The following NELL1 variants were observed in gnomAD, a reference collection of about 807,000 sequenced individuals.
NELL1 encodes the protein neural EGFL like 1.
NELL1 carries 76 observed loss-of-function variants against 107.4 expected under a neutral mutation model. That is an observed-to-expected ratio of 0.71 (90% CI 0.59 to 0.86). The LOEUF (loss-of-function observed/expected upper bound fraction) is 0.86, where lower values mean the gene tolerates loss of function less well. Ranked by LOEUF, NELL1 falls within the 40% of genes least tolerant of loss-of-function variation. The pLI is 0.00. For synonymous variants in NELL1, 353 were observed against 341.2 expected (o/e 1.03, Z -0.38); for missense variants, 1,024 against 1,005.5 (o/e 1.02, Z -0.25).
intron 15 of NELL1, among the ~76,000 whole-genome samples, chr11:21,505,284 G>A (rs942733952): frequency 2.6e-5 from 4 of 152,054 alleles, no homozygotes; most frequent in African/African-American, 7.2e-5. Flanking sequence ...TATAATACAA[G>A]CTACTAATCT....
intron 7 of NELL1, among the ~76,000 whole-genome samples, chr11:20,923,411 CTA>C (rs908210953): frequency 6.6e-6 from 1 of 152,160 alleles, no homozygotes; most frequent in African/African-American, 2.4e-5. Flanking sequence ...TTTGGCAAAA[CTA>C]TACTTTTTTT....
At chr11:21,093,258 A>C (rs1453903897) in intron 12 of NELL1, among the ~76,000 whole-genome samples, 1 of 152,212 alleles carries the variant, frequency 6.6e-6, no homozygotes, top group East Asian at 1.9e-4. Flanking sequence ...ACTGAGATGC[A>C]AGATGACAAA....
chr11:20,770,980 C>T (rs1856628195), intron 2 of NELL1: 1 of 141,356 alleles, frequency 7.1e-6, no homozygotes. Context: ...CCAGAAACAA[C>T]CTGCACAGTT....
At chr11:21,046,106 T>C (rs550362302) in intron 12 of NELL1, among the ~76,000 whole-genome samples, 66 of 152,320 alleles carry the variant, frequency 4.3e-4, no homozygotes, top group African/African-American at 1.5e-3. Flanking sequence ...TTTTAATTCA[T>C]TCTCTAAGGC....
intron 12 of NELL1, among the ~76,000 whole-genome samples, chr11:21,100,822 GTTTC>G (rs200744245): frequency 9.2e-5 from 14 of 151,998 alleles, no homozygotes; most frequent in South Asian, 2.1e-4. Flanking sequence ...AAAGTACAAT[GTTTC>G]TTTCTTTCTT....
intron 15 of NELL1, among the ~76,000 whole-genome samples, chr11:21,407,032 G>C (rs774539071): frequency 6.6e-6 from 1 of 151,938 alleles, no homozygotes; most frequent in East Asian, 1.9e-4. Flanking sequence ...TAGCTTCCAC[G>C]TATGAGTGAG....
intron 15 of NELL1, among the ~76,000 whole-genome samples, chr11:21,491,319 C>T (rs961707521): frequency 3.9e-5 from 6 of 152,000 alleles, no homozygotes; most frequent in Non-Finnish European, 5.9e-5. Context: ...TCTAGGGTTT[C>T]TATGGTTTTA....
At chr11:21,058,225 A>G (rs575742595) in intron 12 of NELL1, among the ~76,000 whole-genome samples, 44 of 152,300 alleles carry the variant, frequency 2.9e-4, no homozygotes, top group African/African-American at 1.0e-3. Flanking sequence ...ATACAGATTC[A>G]TAAGTTCATT....
chr11:20,719,083 A>C (rs1855318112), intron 2 of NELL1, among the ~76,000 whole-genome samples: 1 of 152,240 alleles, frequency 6.6e-6, no homozygotes, highest in Non-Finnish European at 1.5e-5. Flanking sequence ...ATGGCTAAGC[A>C]AGGAAGTGGC....
rs928250998 is a variant in NELL1, at chr11:20,942,247, G to T, written c.1071+4388G>T. On this transcript the variant is annotated intron_variant, in intron 10 of 19. Coordinates refer to ENST00000357134, the MANE Select transcript of NELL1 (RefSeq NM_006157.5). ...CTGTACCCTAAAGGTTAGCTTCCTT[G>T]AACCTCCCTATTTTGATTCCCATTC... 3.9e-5 allele frequency among the ~76,000 whole-genome samples: 6 copies of T among 152,142 alleles called. No individual in the cohort carries two copies. In the East Asian group the frequency reaches 1.2e-3, roughly 29 times the overall value.
intron 2 of NELL1, among the ~76,000 whole-genome samples, chr11:20,734,481 T>C (rs2133926012): frequency 6.6e-6 from 1 of 152,164 alleles, no homozygotes; most frequent in Non-Finnish European, 1.5e-5. Flanking sequence ...AAGGATATGG[T>C]GAGAAGTATT....
intron 2 of NELL1, among the ~76,000 whole-genome samples, chr11:20,704,203 A>G (rs1330304366): frequency 2.0e-5 from 3 of 152,156 alleles, no homozygotes; most frequent in African/African-American, 4.8e-5. Flanking sequence ...TTGGGTGCAT[A>G]TGTATTTAGG....
chr11:21,099,234 AACACACACACACAC>A (rs1554967542), intron 12 of NELL1, among the ~76,000 whole-genome samples: 1 of 64,004 alleles, frequency 1.6e-5, no homozygotes, highest in South Asian at 4.0e-4. Context: ...CACACACACA[AACACACACACACAC>A]ACACGGATCA....
intron 13 of NELL1, among the ~76,000 whole-genome samples, chr11:21,120,052 A>G (rs1412579541): frequency 6.6e-6 from 1 of 152,122 alleles, no homozygotes; most frequent in Non-Finnish European, 1.5e-5. Context: ...CAAATATCCC[A>G]TGTGATCTCT....
chr11:21,265,406 C>A (rs1025038949), intron 14 of NELL1, among the ~76,000 whole-genome samples: 13 of 151,968 alleles, frequency 8.6e-5, no homozygotes, highest in Non-Finnish European at 4.4e-5. Flanking sequence ...TGGAAAACAG[C>A]AAGGACATTT....
Position 21,121,851 on chromosome 11 carries a change from T to C in NELL1, c.1426+8137T>C, listed in dbSNP as rs191130280. On this transcript the variant is annotated intron_variant, in intron 13 of 19. Coordinates refer to ENST00000357134, the MANE Select transcript of NELL1 (RefSeq NM_006157.5). ...TATAAAAATTCATCGAAAGTTTGTT[T>C]TTCCAGACCAATTTTAGTTTTCCAT... Among the ~76,000 whole-genome samples the C allele has an allele frequency of 1.9e-3, 293 of 152,290 alleles. 1 individual carries two copies. Among genetic ancestry groups the C allele is most frequent in the African/African-American group, 6.9e-3 (286 of 41,564 alleles).
chr11:21,473,695 A>G (rs2133889531), intron 15 of NELL1, among the ~76,000 whole-genome samples: 1 of 152,152 alleles, frequency 6.6e-6, no homozygotes, highest in East Asian at 1.9e-4. Context: ...ATTGTGGGCA[A>G]GATAATTTGT....
intron 15 of NELL1, among the ~76,000 whole-genome samples, chr11:21,466,971 C>G (rs553852499): frequency 6.6e-6 from 1 of 151,930 alleles, no homozygotes; most frequent in East Asian, 1.9e-4. Flanking sequence ...GAGTCTAGAA[C>G]CCAACTCTAT....
intron 13 of NELL1, among the ~76,000 whole-genome samples, chr11:21,192,228 A>G (rs1273759505): frequency 6.6e-6 from 1 of 151,962 alleles, no homozygotes; most frequent in Admixed American, 6.5e-5. Context: ...CTAAAGATAA[A>G]GTGGAAGAAT....
Sources: allele counts gnomAD v4.1 joint callset (sites outside exome capture counted in the v4.1 genomes callset), GRCh38; gene constraint gnomAD v4.1.1; transcripts MANE v1.5; gene names NCBI Gene and HGNC (gene_info 2026-07-23, HGNC 2026-07-21).